The following KAT6B variants were observed in gnomAD, a reference collection of about 807,000 sequenced individuals.
KAT6B encodes histone acetyltransferase KAT6B.
In KAT6B, 10 loss-of-function variants were observed where a neutral mutation model predicts 187.5. That is an observed-to-expected ratio of 0.05 (90% CI 0.03 to 0.09). The LOEUF is 0.09. KAT6B is among the 10% of genes least tolerant of loss of function. KAT6B has a pLI of 1.00. For synonymous variants in KAT6B, 861 were observed against 926.8 expected (o/e 0.93, Z 1.29); for missense variants, 1,952 against 2,558.9 (o/e 0.76, Z 5.12).
At chr10:74,864,592 T>C (rs985501740) in intron 3 of KAT6B, among the ~76,000 whole-genome samples, 7 of 151,770 alleles carry the variant, frequency 4.6e-5, no homozygotes, top group African/African-American at 1.7e-4. Context: ...CCCAGGCTGG[T>C]GTGCAGTAGT....
At position 74,985,352 on chromosome 10, in the gene KAT6B, G is replaced by A. The variant is rs1241072010; in HGVS notation, c.2535+111G>A. 12 of 1,114,140 alleles carry A rather than the reference G, an allele frequency of 1.1e-5. No homozygotes were observed. The East Asian group carries it at 2.0e-4, about 18-fold the overall frequency. The allele number at this position is 1,114,140 out of a possible 1,614,324, so 69.0% of individuals were successfully genotyped here. Reference sequence around the variant, plus strand: ...ACTATAATTTGAATAAGTGACATGTGTTTTTGAAAAGCTCAGGTTCTTGTT... The same window carrying A: ...ACTATAATTTGAATAAGTGACATGTATTTTTGAAAAGCTCAGGTTCTTGTT... On this transcript the variant is annotated intron_variant, in intron 12 of 17. Transcript: ENST00000287239.
chr10:74,876,007 T>C (rs967007466), intron 3 of KAT6B, among the ~76,000 whole-genome samples: 5 of 152,236 alleles, frequency 3.3e-5, no homozygotes, highest in Non-Finnish European at 7.3e-5. Context: ...TGCACCACTT[T>C]ATTCATCTTG....
At chr10:74,878,298 C>T (rs1190801719) in intron 3 of KAT6B, among the ~76,000 whole-genome samples, 1 of 152,100 alleles carries the variant, frequency 6.6e-6, no homozygotes, top group Non-Finnish European at 1.5e-5. Context: ...AGGTATAGTA[C>T]AGCGTGGTCA....
intron 3 of KAT6B, among the ~76,000 whole-genome samples, chr10:74,939,945 C>T (rs1178095524): frequency 6.6e-6 from 1 of 152,128 alleles, no homozygotes; most frequent in Non-Finnish European, 1.5e-5. Flanking sequence ...GTAGTAATAA[C>T]ATCAATATTA....
intron 16 of KAT6B, 87 bp from the exon 17 acceptor site, chr10:75,024,871 A>T: frequency 1.6e-6 from 2 of 1,226,546 alleles, no homozygotes; most frequent in African/African-American, 1.5e-5. Flanking sequence ...ATTCTCAGAC[A>T]CGCGTTCAGT....
intron 3 of KAT6B, among the ~76,000 whole-genome samples, chr10:74,957,814 T>G (rs964409983): frequency 6.6e-6 from 1 of 152,248 alleles, no homozygotes; most frequent in Non-Finnish European, 1.5e-5. Flanking sequence ...CCCAAGGTAC[T>G]GCAGTTGAGC....
intron 3 of KAT6B, among the ~76,000 whole-genome samples, chr10:74,913,620 A>G (rs562615353): frequency 5.9e-5 from 9 of 152,346 alleles, no homozygotes; most frequent in African/African-American, 1.7e-4. Flanking sequence ...GAATCTTGCT[A>G]AAGAAGTACT....
At chr10:75,022,372 T>C in intron 16 of KAT6B, 141 bp downstream of exon 16, 2 of 975,038 alleles carry the variant, frequency 2.1e-6, no homozygotes, top group Admixed American at 3.5e-5. Context: ...TGATCATATA[T>C]CATAATCGTT....
intron 3 of KAT6B, among the ~76,000 whole-genome samples, chr10:74,951,111 CT>C (rs747344802): frequency 0.011 from 1,546 of 143,708 alleles, 9 homozygotes; most frequent in Non-Finnish European, 0.018. Context: ...CCTTCTTTTT[CT>C]TTTTTTTTTT....
At chr10:75,023,248 C>T (rs1270493663) in intron 16 of KAT6B, among the ~76,000 whole-genome samples, 1 of 152,214 alleles carries the variant, frequency 6.6e-6, no homozygotes, top group Non-Finnish European at 1.5e-5. Context: ...TATCACAATA[C>T]AAGCTAAGGC....
At chr10:74,883,920 T>G (rs574724094) in intron 3 of KAT6B, among the ~76,000 whole-genome samples, 1 of 152,222 alleles carries the variant, frequency 6.6e-6, no homozygotes, top group Non-Finnish European at 1.5e-5. Context: ...CTCATACTTA[T>G]GTGCTGTTGA....
intron 3 of KAT6B, among the ~76,000 whole-genome samples, chr10:74,865,899 A>G (rs11001187): frequency 0.032 from 4,946 of 152,308 alleles, 169 homozygotes; most frequent in East Asian, 0.12. Flanking sequence ...GGAAAACAGT[A>G]CAGTTGACCC....
At chr10:74,838,602 G>A (rs1220923115) in intron 1 of KAT6B, 81 bp from the exon 2 acceptor site, 1 of 152,172 alleles carries the variant, frequency 6.6e-6, no homozygotes, top group Non-Finnish European at 1.5e-5. Flanking sequence ...TGTCTTGAAT[G>A]GTTGTGGAGA....
chr10:74,897,012 A>G (rs1230401054), intron 3 of KAT6B, among the ~76,000 whole-genome samples: 2 of 152,166 alleles, frequency 1.3e-5, no homozygotes, highest in African/African-American at 4.8e-5. Context: ...GAATTTATTG[A>G]CTTTACATTT....
At chr10:74,928,745 C>T (rs745472989) in intron 3 of KAT6B, among the ~76,000 whole-genome samples, 1 of 152,102 alleles carries the variant, frequency 6.6e-6, no homozygotes, top group Non-Finnish European at 1.5e-5. Flanking sequence ...AAAATTAAGA[C>T]ATCAAATCAG....
At position 74,834,949 on chromosome 10, in the gene KAT6B, C is replaced by T. The variant is rs370802322; in HGVS notation, c.-328-3734C>T. Among the ~76,000 whole-genome samples, 29 of 152,216 alleles carry T rather than the reference C, an allele frequency of 1.9e-4. No homozygotes were observed. In the East Asian group the frequency reaches 3.3e-3, roughly 17 times the overall value. On this transcript the variant is annotated intron_variant, in intron 1 of 17. Transcript: ENST00000287239. ...ACTTTGATTTCCTTCATTCATTCCC[C>T]GATACATTTATTTAGCAAATAGGCA...
chr10:74,845,043 C>T (rs987659732), intron 3 of KAT6B, among the ~76,000 whole-genome samples: 1 of 151,496 alleles, frequency 6.6e-6, no homozygotes, highest in African/African-American at 2.4e-5. Context: ...ATAGTAAGAC[C>T]CCTGTCTCTA....
At chr10:74,845,779 A>G (rs572549646) in intron 3 of KAT6B, among the ~76,000 whole-genome samples, 4 of 150,446 alleles carry the variant, frequency 2.7e-5, no homozygotes, top group East Asian at 2.0e-4. Context: ...TTTGGATACC[A>G]TGAACCCTTG....
chr10:74,907,416 C>T (rs895483045), intron 3 of KAT6B, among the ~76,000 whole-genome samples: 1 of 152,340 alleles, frequency 6.6e-6, no homozygotes, highest in South Asian at 2.1e-4. Context: ...ATATTGAGCC[C>T]AAAACCTCCA....
Sources: gnomAD v4.1 joint callset for allele counts (sites outside exome capture counted in the v4.1 genomes callset) on GRCh38, gnomAD v4.1.1 for gene constraint, MANE v1.5 for transcripts, NCBI Gene and HGNC (gene_info 2026-07-23, HGNC 2026-07-21) for gene names.